Variants in CDH13 observed in about 807,000 individuals in gnomAD.
CDH13 encodes cadherin 13.
Under a neutral mutation model 63.8 loss-of-function variants are expected in CDH13, and 24 were observed. That is an observed-to-expected ratio of 0.38 (90% CI 0.27 to 0.53). The LOEUF (loss-of-function observed/expected upper bound fraction) is 0.53. Among genes scored for constraint, CDH13 ranks in the 20% least tolerant of loss-of-function variants. The probability of loss-of-function intolerance (pLI) is 0.85; values close to 1 mark genes in which losing one functional copy is unlikely to be tolerated. For synonymous variants in CDH13, 503 were observed against 355.3 expected (o/e 1.42, Z -4.67); for missense variants, 1,049 against 903.1 (o/e 1.16, Z -2.07).
intron 6 of CDH13, among the ~76,000 whole-genome samples, chr16:83,451,541 A>G (rs900400254): frequency 1.4e-4 from 22 of 152,122 alleles, no homozygotes; most frequent in Non-Finnish European, 2.9e-4. Context: ...CTTTTTTGAG[A>G]CAGGCTCTTC....
chr16:82,750,874 T>C (rs2034386743), intron 1 of CDH13, among the ~76,000 whole-genome samples: 1 of 152,202 alleles, frequency 6.6e-6, no homozygotes, highest in African/African-American at 2.4e-5. Context: ...TAGTAGGCAC[T>C]CTTAATGCTA....
intron 8 of CDH13, among the ~76,000 whole-genome samples, chr16:83,661,632 G>T (rs1208018435): frequency 6.6e-6 from 1 of 152,104 alleles, no homozygotes; most frequent in African/African-American, 2.4e-5. Context: ...CCTCTTCTCC[G>T]TGAAAATGCA....
intron 7 of CDH13, among the ~76,000 whole-genome samples, chr16:83,547,151 C>T (rs1281585272): frequency 6.6e-6 from 1 of 151,916 alleles, no homozygotes; most frequent in African/African-American, 2.4e-5. Flanking sequence ...AAACTTGAAT[C>T]GAATGATGGC....
chr16:83,389,500 C>A (rs943157633), intron 6 of CDH13, among the ~76,000 whole-genome samples: 3 of 152,180 alleles, frequency 2.0e-5, no homozygotes, highest in Non-Finnish European at 2.9e-5. Context: ...GTTATTCCAT[C>A]CTTTATGTTT....
chr16:83,232,738 AC>A (rs1263455563), intron 5 of CDH13, among the ~76,000 whole-genome samples: 1 of 151,130 alleles, frequency 6.6e-6, no homozygotes, highest in Non-Finnish European at 1.5e-5. Flanking sequence ...AACCAATTAA[AC>A]CTGTCTCTTT....
intron 2 of CDH13, among the ~76,000 whole-genome samples, chr16:82,879,447 A>G (rs959858784): frequency 7.5e-5 from 11 of 146,386 alleles, no homozygotes; most frequent in African/African-American, 2.7e-4. Flanking sequence ...TTTCCTATAT[A>G]TGTAGAAAAA....
At chr16:83,285,905 C>G (rs913368920) in intron 5 of CDH13, among the ~76,000 whole-genome samples, 1 of 152,138 alleles carries the variant, frequency 6.6e-6, no homozygotes, top group Non-Finnish European at 1.5e-5. Context: ...AGAAGTGGGA[C>G]AAGGGTGTGG....
intron 5 of CDH13, among the ~76,000 whole-genome samples, chr16:83,290,232 A>T (rs1406226733): frequency 6.6e-6 from 1 of 152,182 alleles, no homozygotes; most frequent in African/African-American, 2.4e-5. Flanking sequence ...TAGTATTTAC[A>T]ATGGCTCCCT....
At position 82,831,951 on chromosome 16, in the gene CDH13, A is replaced by G. The variant is rs535170192; in HGVS notation, c.46-26411A>G. 2.0e-5 allele frequency among the ~76,000 whole-genome samples: 3 copies of G among 152,302 alleles called. No homozygotes were observed. The East Asian group carries it at 5.8e-4, about 29-fold the overall frequency. On this transcript the variant is annotated intron_variant, in intron 1 of 13. Coordinates refer to ENST00000567109, the MANE Select transcript of CDH13 (RefSeq NM_001257.5). ...AAGGATGACCTTTTGAAAGAATAAA[A>G]CTCATTATCACATGGAATATGATAG... is the stretch of plus-strand genomic sequence containing the variant.
At chr16:83,212,140 G>A (rs1022702163) in intron 4 of CDH13, among the ~76,000 whole-genome samples, 1 of 152,150 alleles carries the variant, frequency 6.6e-6, no homozygotes, top group Non-Finnish European at 1.5e-5. Context: ...TGCAGCTGTG[G>A]AGTTCCCAGG....
intron 7 of CDH13, among the ~76,000 whole-genome samples, chr16:83,581,794 G>A (rs745970902): frequency 4.6e-5 from 7 of 152,104 alleles, no homozygotes; most frequent in Non-Finnish European, 8.8e-5. Flanking sequence ...ACTCCAGCCT[G>A]GGTAACAGAG....
At position 82,737,450 on chromosome 16, in the gene CDH13, A is replaced by G. The variant is rs150248046; in HGVS notation, c.45+110313A>G. Among the ~76,000 whole-genome samples, 1,419 of 152,336 alleles carry G rather than the reference A, an allele frequency of 9.3e-3. 28 individuals are homozygous for G. The highest frequency in any genetic ancestry group is 0.032 in the African/African-American group (1,342 of 41,574). On this transcript the variant is annotated intron_variant, in intron 1 of 13. Transcript: ENST00000567109. ...TCTGTTTTACCTCCCACTGAACAAA[A>G]GAAATATAATCCTTGAAACGTGCTC...
chr16:83,286,654 G>A (rs868584355), intron 5 of CDH13, among the ~76,000 whole-genome samples: 7 of 151,666 alleles, frequency 4.6e-5, no homozygotes, highest in Non-Finnish European at 8.8e-5. Flanking sequence ...TACTTGGGGG[G>A]CTGAGGCAGG....
intron 2 of CDH13, among the ~76,000 whole-genome samples, chr16:82,888,750 GC>G (rs907243095): frequency 6.6e-6 from 1 of 152,198 alleles, no homozygotes; most frequent in African/African-American, 2.4e-5. Flanking sequence ...CCATTTAGCT[GC>G]CCCTAAGTGT....
chr16:83,779,892 A>G, intron 11 of CDH13, 76 bp from the exon 12 acceptor site: 2 of 942,446 alleles, frequency 2.1e-6, no homozygotes, highest in South Asian at 1.6e-5. Context: ...TACTAAGTTT[A>G]CAATGCAAAA....
intron 11 of CDH13, among the ~76,000 whole-genome samples, chr16:83,761,414 A>G (rs1172875161): frequency 6.6e-6 from 1 of 152,246 alleles, no homozygotes; most frequent in Admixed American, 6.5e-5. Context: ...TGAGCAAAGA[A>G]CAATTGGTGA....
At chr16:83,358,993 A>G (rs2091108228) in intron 6 of CDH13, among the ~76,000 whole-genome samples, 1 of 152,132 alleles carries the variant, frequency 6.6e-6, no homozygotes, top group African/African-American at 2.4e-5. Context: ...GCTGCCATTT[A>G]TGTCAGTGTG....
chr16:83,076,856 A>G (rs1354235602), intron 3 of CDH13, among the ~76,000 whole-genome samples: 1 of 152,164 alleles, frequency 6.6e-6, no homozygotes, highest in Non-Finnish European at 1.5e-5. Context: ...ATTTTGACAA[A>G]CATATATTAC....
chr16:82,980,868 A>G (rs994134078), intron 2 of CDH13, among the ~76,000 whole-genome samples: 3 of 152,198 alleles, frequency 2.0e-5, no homozygotes, highest in African/African-American at 4.8e-5. Context: ...ATGATTTATT[A>G]AAGTGTCTAT....
Sources: allele counts gnomAD v4.1 joint callset (sites outside exome capture counted in the v4.1 genomes callset), GRCh38; gene constraint gnomAD v4.1.1; transcripts MANE v1.5; gene names NCBI Gene and HGNC (gene_info 2026-07-23, HGNC 2026-07-21).